The following CACNA2D3 variants were observed in gnomAD, a reference collection of about 807,000 sequenced individuals.
CACNA2D3 encodes calcium voltage-gated channel auxiliary subunit alpha2delta 3.
Under a neutral mutation model 160.6 loss-of-function variants are expected in CACNA2D3, and 60 were observed. That is an observed-to-expected ratio of 0.37 (90% CI 0.30 to 0.46). CACNA2D3 has a LOEUF of 0.46. Ranked by LOEUF, CACNA2D3 falls within the 20% of genes least tolerant of loss-of-function variation. CACNA2D3 has a pLI of 1.00. For synonymous variants in CACNA2D3, 558 were observed against 492.9 expected, an observed-to-expected ratio of 1.13 and a Z score of -1.75; for missense variants, 1,205 against 1,365.0, an observed-to-expected ratio of 0.88 and a Z score of 1.85.
chr3:54,310,315 G>C (rs1461993722), intron 2 of CACNA2D3, among the ~76,000 whole-genome samples: 5 of 152,116 alleles, frequency 3.3e-5, no homozygotes, highest in African/African-American at 1.2e-4. Context: ...AATTGCTTTG[G>C]AGTATTGTGT....
rs761665324 is a variant in CACNA2D3, at chr3:55,073,556, G to A, written c.3099G>A (p.Arg1033=). The A allele has an allele frequency of 2.5e-6, 4 of 1,612,422 alleles. No individual in the cohort carries two copies. Among genetic ancestry groups the A allele is most frequent in the East Asian group, 2.2e-5 (1 of 44,870 alleles). The change falls in exon 36 of 38, where the codon AGG becomes AGA. Residue 1033 remains arginine (R), a splice_region_variant and synonymous_variant. Coordinates refer to ENST00000474759, the MANE Select transcript of CACNA2D3 (RefSeq NM_018398.3). ...APITMAPIEI[R]YNESLKCERL... is the part of the protein sequence containing the mutation. ...TCACCATGGCACCCATTGAAATCAG[G>A]TATATCCTTTTGTGTGCAGGTCCAC...
At chr3:54,333,150 T>C (rs908470380) in intron 3 of CACNA2D3, among the ~76,000 whole-genome samples, 2 of 151,824 alleles carry the variant, frequency 1.3e-5, no homozygotes, top group African/African-American at 4.8e-5. Flanking sequence ...TTTCCTGCTG[T>C]GAGGGGCATG....
At chr3:54,276,380 CCA>C (rs945014262) in intron 2 of CACNA2D3, among the ~76,000 whole-genome samples, 1 of 152,056 alleles carries the variant, frequency 6.6e-6, no homozygotes, top group Non-Finnish European at 1.5e-5. Context: ...ACCAGCCTGG[CCA>C]CCACGGCGAA....
intron 29 of CACNA2D3, among the ~76,000 whole-genome samples, chr3:54,979,653 T>C (rs1702464667): frequency 6.6e-6 from 1 of 152,198 alleles, no homozygotes; most frequent in Non-Finnish European, 1.5e-5. Flanking sequence ...GTTCAGTTCA[T>C]GCAGTTGACT....
rs375004444 is a variant in CACNA2D3 at position 54,823,449 on chromosome 3, A to G, written c.1398+6579A>G. Among the ~76,000 whole-genome samples, 45 of 152,284 alleles carry G rather than the reference A, an allele frequency of 3.0e-4. 1 individual carries two copies. The highest frequency in any genetic ancestry group is 1.2e-3 in the East Asian group (6 of 5,182). Reference sequence around the variant, plus strand: ...TTGATAAAAGCCTTCAATAAAACATACCACTACATACCAGTAACTTTCACA... The same window carrying G: ...TTGATAAAAGCCTTCAATAAAACATGCCACTACATACCAGTAACTTTCACA... On this transcript the variant is annotated intron_variant, in intron 14 of 37. Coordinates refer to ENST00000474759, the MANE Select transcript of CACNA2D3 (RefSeq NM_018398.3).
intron 9 of CACNA2D3, among the ~76,000 whole-genome samples, chr3:54,619,215 C>T (rs547620048): frequency 4.7e-4 from 71 of 152,340 alleles, no homozygotes; most frequent in African/African-American, 1.5e-3. Flanking sequence ...ACAAGAAGGA[C>T]GATGAGCTCA....
intron 10 of CACNA2D3, chr3:54,633,618 GCAAACGACA>G (rs1699295111): frequency 6.6e-6 from 1 of 152,164 alleles, no homozygotes; most frequent in African/African-American, 2.4e-5. Flanking sequence ...CCTCCCCACT[GCAAACGACA>G]CAAACTTCTA....
At chr3:54,440,484 ATTATTT>A (rs1700126802) in intron 4 of CACNA2D3, among the ~76,000 whole-genome samples, 1 of 152,044 alleles carries the variant, frequency 6.6e-6, no homozygotes, top group Non-Finnish European at 1.5e-5. Flanking sequence ...TTTTAAAAAA[ATTATTT>A]TTATTTTTAT....
intron 12 of CACNA2D3, among the ~76,000 whole-genome samples, chr3:54,757,212 T>G (rs1335777660): frequency 6.6e-6 from 1 of 152,098 alleles, no homozygotes; most frequent in Middle Eastern, 3.2e-3. Context: ...TTTCCAGCTG[T>G]GCAAATAAAG....
chr3:54,996,950 C>T (rs1228790845), intron 31 of CACNA2D3, among the ~76,000 whole-genome samples: 1 of 152,094 alleles, frequency 6.6e-6, no homozygotes, highest in Non-Finnish European at 1.5e-5. Context: ...CGTGTTCTCA[C>T]TCATAATTGG....
chr3:54,555,583 T>C (rs1474300984), intron 5 of CACNA2D3, among the ~76,000 whole-genome samples: 3 of 152,188 alleles, frequency 2.0e-5, no homozygotes, highest in Non-Finnish European at 4.4e-5. Flanking sequence ...CACATACAAA[T>C]TGTAAATTTA....
intron 2 of CACNA2D3, among the ~76,000 whole-genome samples, chr3:54,219,417 T>C (rs536459124): frequency 1.3e-5 from 2 of 152,242 alleles, no homozygotes; most frequent in Admixed American, 1.3e-4. Flanking sequence ...GCTCTGTTTT[T>C]CTAGGGACTG....
rs576946841 is a variant in CACNA2D3 at position 54,815,327 on chromosome 3, T to G, written c.1381-1526T>G. Among the ~76,000 whole-genome samples, 5 of 152,318 alleles carry G rather than the reference T, an allele frequency of 3.3e-5. No homozygotes were observed. The East Asian group carries it at 9.6e-4, about 29-fold the overall frequency. On this transcript the variant is annotated intron_variant, in intron 13 of 37. Transcript: ENST00000474759. ...TTTTCATAGACATTCTCAATACCATTTTGGAGACATCTCTGAGATCCAAAA... is the reference window on the plus strand; with the variant it reads ...TTTTCATAGACATTCTCAATACCATGTTGGAGACATCTCTGAGATCCAAAA...
chr3:54,445,058 C>T (rs756386032), intron 4 of CACNA2D3, among the ~76,000 whole-genome samples: 10 of 152,194 alleles, frequency 6.6e-5, no homozygotes, highest in Non-Finnish European at 1.5e-4. Flanking sequence ...CTCCAGAGCC[C>T]ACCTGTAACA....
At chr3:54,679,034 G>C (rs1700296200) in intron 11 of CACNA2D3, among the ~76,000 whole-genome samples, 2 of 152,198 alleles carry the variant, frequency 1.3e-5, no homozygotes, top group Admixed American at 1.3e-4. Flanking sequence ...CAAGAACACA[G>C]AATCCAGAAG....
At chr3:54,995,300 A>G (rs533441742) in intron 31 of CACNA2D3, among the ~76,000 whole-genome samples, 21 of 152,312 alleles carry the variant, frequency 1.4e-4, no homozygotes, top group African/African-American at 5.1e-4. Flanking sequence ...TCAAACTTAG[A>G]GTCCAATGTA....
chr3:54,122,752 G>T lies in CACNA2D3; in HGVS notation c.39G>T (p.Gly13=). ...GPGSPRRASR[G]ASALLAAALL... is the part of the protein sequence containing the mutation. ...GCTCGCCGCGCCGCGCGTCCCGGGG[G>T]GCCTCGGCGCTTCTCGCTGCCGCGC... Residue 13 remains glycine (G), a synonymous_variant, in exon 1 of 38, where the codon GGG becomes GGT. Transcript: ENST00000474759. 8.2e-7 allele frequency: 1 copy of T among 1,221,698 alleles called. No homozygotes were observed. The highest frequency in any genetic ancestry group is 1.0e-6 in the Non-Finnish European group (1 of 979,114). The allele number at this position is 1,221,698 out of a possible 1,614,324, so 75.7% of individuals were successfully genotyped here.
chr3:54,404,709 C>T (rs548885966), intron 4 of CACNA2D3, among the ~76,000 whole-genome samples: 1 of 152,190 alleles, frequency 6.6e-6, no homozygotes, highest in Admixed American at 6.5e-5. Flanking sequence ...TTACAGATGA[C>T]ATGATCCTTT....
At chr3:54,388,810 G>A (rs1395579483) in intron 4 of CACNA2D3, among the ~76,000 whole-genome samples, 1 of 152,202 alleles carries the variant, frequency 6.6e-6, no homozygotes, top group African/African-American at 2.4e-5. Flanking sequence ...ACTTTGGCAG[G>A]TGTGAAGATT....
Sources: gnomAD v4.1 joint callset for allele counts (sites outside exome capture counted in the v4.1 genomes callset) on GRCh38, gnomAD v4.1.1 for gene constraint, MANE v1.5 for transcripts, NCBI Gene and HGNC (gene_info 2026-07-23, HGNC 2026-07-21) for gene names.